The following AUTS2 variants were observed in gnomAD, a reference collection of about 807,000 sequenced individuals.
AUTS2 encodes autism susceptibility gene 2 protein.
A neutral mutation model predicts 112.4 loss-of-function variants in AUTS2; 17 were observed. That is an observed-to-expected ratio of 0.15 (90% CI 0.10 to 0.23). The LOEUF (loss-of-function observed/expected upper bound fraction) is 0.23. AUTS2 is among the 10% of genes least tolerant of loss of function. The pLI is 1.00. For synonymous variants in AUTS2, 751 were observed against 702.7 expected (o/e 1.07, Z -1.09); for missense variants, 1,510 against 1,701.6 (o/e 0.89, Z 1.98).
At position 70,113,777 on chromosome 7, in the gene AUTS2, A is replaced by G. The variant is rs113081987; in HGVS notation, c.523-4355A>G. On this transcript the variant is annotated intron_variant, in intron 2 of 18. Transcript: ENST00000342771. ...TAATGACACCTACTGGGCAAGTAGC[A>G]TCTTTTTGAAACTCTCCATATCCAA... 4.3e-4 allele frequency among the ~76,000 whole-genome samples: 66 copies of G among 152,310 alleles called. 5 individuals carry two copies. The highest frequency in any genetic ancestry group is 1.4e-3 in the African/African-American group (60 of 41,558).
At chr7:70,442,203 G>C (rs1219926134) in intron 5 of AUTS2, among the ~76,000 whole-genome samples, 3 of 152,152 alleles carry the variant, frequency 2.0e-5, no homozygotes, top group African/African-American at 7.2e-5. Flanking sequence ...TGCTTGATAT[G>C]AATTAGGTGC....
At chr7:69,983,968 A>G (rs752740437) in intron 2 of AUTS2, among the ~76,000 whole-genome samples, 2 of 152,182 alleles carry the variant, frequency 1.3e-5, no homozygotes, top group Non-Finnish European at 2.9e-5. Flanking sequence ...CTCTAGTTTC[A>G]TTTTATCTAT....
chr7:69,744,399 G>A (rs574949051), intron 1 of AUTS2, among the ~76,000 whole-genome samples: 14 of 152,254 alleles, frequency 9.2e-5, no homozygotes, highest in African/African-American at 3.4e-4. Flanking sequence ...TTAGAGGGTT[G>A]GAACTGACCA....
chr7:69,856,980 A>G (rs1450687338), intron 1 of AUTS2, among the ~76,000 whole-genome samples: 1 of 152,178 alleles, frequency 6.6e-6, no homozygotes, highest in Non-Finnish European at 1.5e-5. Context: ...AAAAGCCAGG[A>G]ATTTCACGGC....
At chr7:70,243,508 C>G (rs138191649) in intron 4 of AUTS2, among the ~76,000 whole-genome samples, 8 of 151,950 alleles carry the variant, frequency 5.3e-5, no homozygotes, top group African/African-American at 1.7e-4. Context: ...TTTCAGTGTG[C>G]GGAGACTCCC....
At chr7:69,648,701 G>C (rs565935674) in intron 1 of AUTS2, among the ~76,000 whole-genome samples, 2 of 152,296 alleles carry the variant, frequency 1.3e-5, no homozygotes, top group Admixed American at 6.5e-5. Flanking sequence ...GAGACTTAGA[G>C]TGATGCACAG....
At chr7:70,748,562 C>A (rs1788610194) in intron 6 of AUTS2, among the ~76,000 whole-genome samples, 1 of 152,144 alleles carries the variant, frequency 6.6e-6, no homozygotes, top group African/African-American at 2.4e-5. Flanking sequence ...GGATGTAGCA[C>A]TTATCAAAAT....
chr7:69,992,258 G>A lies in AUTS2; in HGVS notation c.522+92760G>A, dbSNP rs1798769864. Among the ~76,000 whole-genome samples, 2 of 152,208 alleles carry A rather than the reference G, an allele frequency of 1.3e-5. 1 individual carries two copies. Among genetic ancestry groups the A allele is most frequent in the South Asian group, 4.1e-4 (2 of 4,824 alleles). ...GCATAAAAGATGTGAGAAGTCTGAAGTGTTAGAGCCAGAGAAAAGGTGAGA... is the reference window on the plus strand; with the variant it reads ...GCATAAAAGATGTGAGAAGTCTGAAATGTTAGAGCCAGAGAAAAGGTGAGA... On this transcript the variant is annotated intron_variant, in intron 2 of 18. Coordinates refer to ENST00000342771, the MANE Select transcript of AUTS2 (RefSeq NM_015570.4).
chr7:69,731,369 A>G (rs1436437927), intron 1 of AUTS2, among the ~76,000 whole-genome samples: 2 of 152,172 alleles, frequency 1.3e-5, no homozygotes, highest in African/African-American at 2.4e-5. Flanking sequence ...AACAAGTGCC[A>G]CTTAAGTGAT....
At chr7:69,960,824 G>A (rs1425160840) in intron 2 of AUTS2, among the ~76,000 whole-genome samples, 1 of 152,126 alleles carries the variant, frequency 6.6e-6, no homozygotes, top group Admixed American at 6.6e-5. Flanking sequence ...TTCATCAGAA[G>A]TTGTTCTTGT....
At chr7:70,727,434 C>G (rs1787104966) in intron 6 of AUTS2, among the ~76,000 whole-genome samples, 1 of 152,162 alleles carries the variant, frequency 6.6e-6, no homozygotes. Flanking sequence ...ACTGCAACCT[C>G]TACCTCCTGG....
chr7:69,742,011 G>A (rs1787287535), intron 1 of AUTS2, among the ~76,000 whole-genome samples: 2 of 151,834 alleles, frequency 1.3e-5, no homozygotes, highest in Admixed American at 1.3e-4. Context: ...ATGTTGCCCA[G>A]GCTGGTGTTG....
In AUTS2 at chr7:70,283,815, A is replaced by G. The variant is rs1788333373; in HGVS notation, c.660+149244A>G. Among the ~76,000 whole-genome samples, 4 of 152,276 alleles carry G rather than the reference A, an allele frequency of 2.6e-5. No homozygotes were observed. The South Asian group carries it at 8.3e-4, about 32-fold the overall frequency. The stretch of plus-strand genomic sequence containing the variant: ...GTCTGGTGCAAGGAGGCAGACTGAC[A>G]TTCAAGTCAGATCATTTTTTAAAAA... On this transcript the variant is annotated intron_variant, in intron 4 of 18. Coordinates refer to ENST00000342771, the MANE Select transcript of AUTS2 (RefSeq NM_015570.4).
At chr7:70,286,120 T>C (rs921985901) in intron 4 of AUTS2, among the ~76,000 whole-genome samples, 2 of 152,184 alleles carry the variant, frequency 1.3e-5, no homozygotes, top group Non-Finnish European at 1.5e-5. Context: ...AGTGGTGCAA[T>C]AGAGGATGAG....
chr7:69,678,675 T>C (rs191200822), intron 1 of AUTS2, among the ~76,000 whole-genome samples: 35 of 152,236 alleles, frequency 2.3e-4, no homozygotes, highest in Non-Finnish European at 4.7e-4. Flanking sequence ...TTTGTTCTTG[T>C]GGAAGGGAGG....
At chr7:69,725,818 A>C (rs1166885554) in intron 1 of AUTS2, among the ~76,000 whole-genome samples, 1 of 152,188 alleles carries the variant, frequency 6.6e-6, no homozygotes, top group East Asian at 1.9e-4. Context: ...TCCAGGATAC[A>C]ATCAGTTCAT....
chr7:70,087,131 A>G (rs1305693775), intron 2 of AUTS2, among the ~76,000 whole-genome samples: 2 of 152,118 alleles, frequency 1.3e-5, no homozygotes, highest in Admixed American at 1.3e-4. Flanking sequence ...TATCAGTTTA[A>G]AGAAGTCCCT....
intron 1 of AUTS2, among the ~76,000 whole-genome samples, chr7:69,704,207 TC>T (rs1797951189): frequency 6.6e-6 from 1 of 152,156 alleles, no homozygotes; most frequent in Non-Finnish European, 1.5e-5. Context: ...CTTCATGTTG[TC>T]CATAGGATAC....
chr7:70,317,101 G>A (rs951331725), intron 4 of AUTS2: 7 of 152,140 alleles, frequency 4.6e-5, no homozygotes, highest in African/African-American at 1.7e-4. Flanking sequence ...AAACTCACCA[G>A]GTCACACTGG....
Sources: gnomAD v4.1 joint callset for allele counts (sites outside exome capture counted in the v4.1 genomes callset) on GRCh38, gnomAD v4.1.1 for gene constraint, MANE v1.5 for transcripts, NCBI Gene and HGNC (gene_info 2026-07-23, HGNC 2026-07-21) for gene names.